Variants in UBE3C observed in about 807,000 individuals in gnomAD.
UBE3C encodes the protein ubiquitin-protein ligase E3C.
A neutral mutation model predicts 129.4 loss-of-function variants in UBE3C; 42 were observed. That is an observed-to-expected ratio of 0.32 (90% CI 0.25 to 0.42). The LOEUF is 0.42. Ranked by LOEUF, UBE3C falls within the 10% of genes least tolerant of loss-of-function variation. The probability of loss-of-function intolerance (pLI) is 1.00; values close to 1 mark genes in which losing one functional copy is unlikely to be tolerated. For synonymous variants in UBE3C, 510 were observed against 492.4 expected (o/e 1.04, Z -0.47); for missense variants, 1,049 against 1,319.1 (o/e 0.80, Z 3.17).
chr7:157,242,526 T>TTTG (rs1554436986), intron 18 of UBE3C, among the ~76,000 whole-genome samples: 3,518 of 146,664 alleles, frequency 0.024, 137 homozygotes, highest in African/African-American at 0.083. Flanking sequence ...TTTTTTTTTT[T>TTTG]TTTTTTTTTT....
At chr7:157,238,426 G>A (rs576701746) in intron 18 of UBE3C, among the ~76,000 whole-genome samples, 8 of 152,230 alleles carry the variant, frequency 5.3e-5, no homozygotes, top group Non-Finnish European at 7.4e-5. Context: ...CCCATGTCCC[G>A]GTGGTAGTGC....
chr7:157,267,873 T>C lies in UBE3C; in HGVS notation c.*118T>C. The C allele has an allele frequency of 2.5e-6, 2 of 810,270 alleles. No individual in the cohort carries two copies. The highest frequency in any genetic ancestry group is 3.6e-6 in the Non-Finnish European group (2 of 548,440). 50.2% of individuals were successfully genotyped at this position (810,270 alleles called of 1,614,324 possible). A position where few individuals can be genotyped will look rare whatever the true frequency, so the allele number is the denominator to read the frequency against. ...CTGAGGCTCTCCTAAGCTCCTTCTT[T>C]CATTCTGCCATTCCTCCCTCCCTTC... On this transcript the variant is annotated 3_prime_UTR_variant, in exon 23 of 23. Coordinates refer to ENST00000348165, the MANE Select transcript of UBE3C (RefSeq NM_014671.3).
intron 10 of UBE3C, among the ~76,000 whole-genome samples, chr7:157,196,206 A>T (rs1809116801): frequency 6.6e-6 from 1 of 152,252 alleles, no homozygotes; most frequent in African/African-American, 2.4e-5. Flanking sequence ...AAGGAAATAA[A>T]TAATTCTCCT....
intron 10 of UBE3C, chr7:157,197,643 T>G (rs1169841105): frequency 6.2e-7 from 1 of 1,609,084 alleles, no homozygotes; most frequent in Non-Finnish European, 8.5e-7. Context: ...AATATCTGCT[T>G]CTAGCAGTGT....
At chr7:157,234,267 T>G (rs908657400) in intron 18 of UBE3C, among the ~76,000 whole-genome samples, 5 of 152,230 alleles carry the variant, frequency 3.3e-5, no homozygotes, top group African/African-American at 9.6e-5. Flanking sequence ...TCACAAAGAT[T>G]TACACCTGTA....
At chr7:157,235,169 A>G (rs1046869182) in intron 18 of UBE3C, among the ~76,000 whole-genome samples, 31 of 152,308 alleles carry the variant, frequency 2.0e-4, no homozygotes, top group African/African-American at 7.2e-4. Context: ...CAGCCTGGCA[A>G]CAAGAGCAAA....
chr7:157,141,882 C>G (rs1290623325), intron 1 of UBE3C, among the ~76,000 whole-genome samples: 1 of 152,218 alleles, frequency 6.6e-6, no homozygotes, highest in African/African-American at 2.4e-5. Context: ...GTGGCTGATT[C>G]TGTTTTCTTA....
chr7:157,218,684 G>T (rs1457084344), intron 14 of UBE3C, among the ~76,000 whole-genome samples: 1 of 152,168 alleles, frequency 6.6e-6, no homozygotes, highest in East Asian at 1.9e-4. Context: ...TCCTGGCAGG[G>T]TGCTTGGCTC....
chr7:157,166,800 C>A (rs955533960), intron 2 of UBE3C, among the ~76,000 whole-genome samples: 1 of 150,780 alleles, frequency 6.6e-6, no homozygotes, highest in African/African-American at 2.4e-5. Flanking sequence ...TGATTAAAAT[C>A]TATTGTTGGA....
chr7:157,183,539 A>G (rs563565713), intron 8 of UBE3C, among the ~76,000 whole-genome samples: 1 of 152,244 alleles, frequency 6.6e-6, no homozygotes, highest in Non-Finnish European at 1.5e-5. Flanking sequence ...TGGGGCTGAA[A>G]GTTCCAACCC....
At chr7:157,211,679 T>G (rs1809600451) in intron 13 of UBE3C, among the ~76,000 whole-genome samples, 1 of 152,060 alleles carries the variant, frequency 6.6e-6, no homozygotes, top group Non-Finnish European at 1.5e-5. Flanking sequence ...GGTTAACCCT[T>G]GACAGCAGCA....
At chr7:157,157,323 T>C (rs180930208) in intron 1 of UBE3C, among the ~76,000 whole-genome samples, 53 of 152,256 alleles carry the variant, frequency 3.5e-4, no homozygotes, top group African/African-American at 9.9e-4. Flanking sequence ...CATAAAAATA[T>C]CATAACCAAG....
intron 11 of UBE3C, among the ~76,000 whole-genome samples, chr7:157,206,275 T>A (rs572415172): frequency 4.8e-4 from 73 of 152,360 alleles, no homozygotes; most frequent in African/African-American, 1.1e-3. Context: ...TTATTTATTT[T>A]TTTTGGAAAC....
chr7:157,264,241 AC>A, intron 22 of UBE3C, among the ~76,000 whole-genome samples: 1 of 132,736 alleles, frequency 7.5e-6, no homozygotes, highest in Non-Finnish European at 1.6e-5. Flanking sequence ...GGCCTGTTAC[AC>A]ACACACACAC....
intron 13 of UBE3C, 30 bp downstream of exon 13, chr7:157,207,965 T>C: frequency 7.2e-7 from 1 of 1,387,256 alleles, no homozygotes; most frequent in Non-Finnish European, 9.4e-7. Context: ...TTTTGTTTAC[T>C]GACATTGAAA....
chr7:157,150,687 G>T (rs1807733534), intron 1 of UBE3C, among the ~76,000 whole-genome samples: 1 of 152,158 alleles, frequency 6.6e-6, no homozygotes, highest in Admixed American at 6.5e-5. Context: ...TTATGAACAT[G>T]ATTTATTGTT....
intron 15 of UBE3C, chr7:157,222,426 T>A (rs1460966510): frequency 6.6e-6 from 1 of 152,030 alleles, no homozygotes; most frequent in South Asian, 2.1e-4. Flanking sequence ...TTTTTTTCTT[T>A]CTTTCTTTTT....
chr7:157,166,208 A>C (rs1029311888), intron 2 of UBE3C, among the ~76,000 whole-genome samples: 2 of 152,124 alleles, frequency 1.3e-5, no homozygotes, highest in African/African-American at 4.8e-5. Flanking sequence ...GTCTGGCTGG[A>C]TTATTTCAAA....
rs573891834 is a variant in UBE3C, at chr7:157,225,824, C to T, written c.2233+285C>T. 1.9e-4 allele frequency among the ~76,000 whole-genome samples: 29 copies of T among 152,150 alleles called. 1 individual carries two copies. The South Asian group carries it at 5.6e-3, about 29-fold the overall frequency. Reference sequence around the variant, plus strand: ...AGCTTATCTGGATGTGTTAGCGTGCCCCTGTTGTCCCTGCTCTGCAAAAGG... The same window carrying T: ...AGCTTATCTGGATGTGTTAGCGTGCTCCTGTTGTCCCTGCTCTGCAAAAGG... On this transcript the variant is annotated intron_variant, in intron 17 of 22. Transcript: ENST00000348165.
Sources: allele counts gnomAD v4.1 joint callset (sites outside exome capture counted in the v4.1 genomes callset), GRCh38; gene constraint gnomAD v4.1.1; transcripts MANE v1.5; gene names NCBI Gene and HGNC (gene_info 2026-07-23, HGNC 2026-07-21).